The following SZRD1 variants were observed in gnomAD, a reference collection of about 807,000 sequenced individuals.
The protein encoded by SZRD1 is SUZ RNA binding domain containing 1, also known as SUZ RNA-binding domain-containing.
Under a neutral mutation model 17.6 loss-of-function variants are expected in SZRD1, and 7 were observed. That is an observed-to-expected ratio of 0.40 (90% CI 0.23 to 0.75). The LOEUF is 0.75. SZRD1 is among the 30% of genes least tolerant of loss of function. SZRD1 has a pLI of 0.38. For missense variants in SZRD1, 178 were observed against 201.8 expected (o/e 0.88, Z 0.71); for synonymous variants, 77 against 77.9 (o/e 0.99, Z 0.06).
chr1:16,382,900 C>T (rs1470360664), intron 1 of SZRD1, among the ~76,000 whole-genome samples: 2 of 151,586 alleles, frequency 1.3e-5, no homozygotes, highest in East Asian at 3.9e-4. Flanking sequence ...GAGTCTCACT[C>T]TCTCCCCCCT....
intron 1 of SZRD1, among the ~76,000 whole-genome samples, chr1:16,373,241 T>G (rs1402277243): frequency 1.3e-5 from 2 of 151,934 alleles, no homozygotes; most frequent in African/African-American, 4.8e-5. Context: ...GTTTTTTTTT[T>G]TTTTTTAAGC....
chr1:16,380,748 G>A (rs577399476), intron 1 of SZRD1, among the ~76,000 whole-genome samples: 2 of 152,214 alleles, frequency 1.3e-5, no homozygotes, highest in Non-Finnish European at 2.9e-5. Flanking sequence ...GATTACAGAC[G>A]TGAGCCACCG....
intron 2 of SZRD1, among the ~76,000 whole-genome samples, chr1:16,392,065 C>A (rs1359766056): frequency 6.6e-6 from 1 of 152,082 alleles, no homozygotes; most frequent in Non-Finnish European, 1.5e-5. Flanking sequence ...GCTGCACAGT[C>A]ATTCCCCAGG....
intron 1 of SZRD1, among the ~76,000 whole-genome samples, chr1:16,382,550 A>C (rs1172060885): frequency 6.7e-6 from 1 of 149,414 alleles, no homozygotes; most frequent in Non-Finnish European, 1.5e-5. Context: ...GCTGGAGTGC[A>C]GTGACACAAT....
At chr1:16,368,525 G>C (rs2082860888) in intron 1 of SZRD1, among the ~76,000 whole-genome samples, 1 of 152,154 alleles carries the variant, frequency 6.6e-6, no homozygotes. Context: ...AGAATTTGAA[G>C]GATTCGTTCG....
chr1:16,372,638 GC>G (rs2100695658), intron 1 of SZRD1, among the ~76,000 whole-genome samples: 1 of 152,246 alleles, frequency 6.6e-6, no homozygotes, highest in South Asian at 2.1e-4. Context: ...CCAGGTCAAG[GC>G]ATGCAGCTAG....
chr1:16,389,636 G>C (rs377161310), intron 1 of SZRD1, among the ~76,000 whole-genome samples: 1 of 151,128 alleles, frequency 6.6e-6, no homozygotes, highest in Non-Finnish European at 1.5e-5. Flanking sequence ...TATTAGAGAC[G>C]GGGTTTCACC....
At chr1:16,388,357 C>T (rs2085162865) in intron 1 of SZRD1, among the ~76,000 whole-genome samples, 1 of 152,088 alleles carries the variant, frequency 6.6e-6, no homozygotes, top group East Asian at 1.9e-4. Flanking sequence ...ACCTCGGCCT[C>T]CCAAAGTCAA....
At chr1:16,372,198 C>T (rs920785152) in intron 1 of SZRD1, among the ~76,000 whole-genome samples, 6 of 151,868 alleles carry the variant, frequency 4.0e-5, no homozygotes, top group Admixed American at 2.0e-4. Context: ...ATATGCCAGG[C>T]GTGGTGGCTC....
At chr1:16,389,656 A>G (rs542590764) in intron 1 of SZRD1, among the ~76,000 whole-genome samples, 2 of 152,060 alleles carry the variant, frequency 1.3e-5, no homozygotes, top group African/African-American at 2.4e-5. Flanking sequence ...CGCGTTAGCC[A>G]GGATGGTCTC....
chr1:16,385,842 A>C (rs2083179537), intron 1 of SZRD1, among the ~76,000 whole-genome samples: 1 of 152,134 alleles, frequency 6.6e-6, no homozygotes, highest in South Asian at 2.1e-4. Context: ...AAAATTGCAA[A>C]TGTTGACATC....
Position 16,395,564 on chromosome 1 carries a change from TC to T in SZRD1, c.*426del, listed in dbSNP as rs1370869737. On this transcript the variant is annotated 3_prime_UTR_variant, in exon 4 of 4. Coordinates refer to ENST00000401088, the MANE Select transcript of SZRD1 (RefSeq NM_001114600.3). ...ACCCACCCACCCCCAAGTGCATGTC[TC>T]CATCACTTAAAAAGTAAGTTCCATT... is the stretch of plus-strand genomic sequence containing the variant. 5.8e-6 allele frequency: 1 copy of T among 173,454 alleles called. No individual in the cohort carries two copies. The highest frequency in any genetic ancestry group is 1.3e-5 in the Non-Finnish European group (1 of 79,750). The allele number at this position is 173,454 out of a possible 1,614,324, so 10.7% of individuals were successfully genotyped here. A position where few individuals can be genotyped will look rare whatever the true frequency, so the allele number is the denominator to read the frequency against.
rs755626121 is a variant in SZRD1 at position 16,367,275 on chromosome 1, C to A, written c.18C>A (p.Val6=). Residue 6 remains valine (V), a synonymous_variant, in exon 1 of 4, where the codon GTC becomes GTA. Coordinates refer to ENST00000401088, the MANE Select transcript of SZRD1 (RefSeq NM_001114600.3). MEDEE[V]AESWEEAADS... is the part of the protein sequence containing the mutation. ...CGAGTAAGATGGAAGATGAGGAGGTCGCTGAGAGCTGGGAAGAGGCGGCAG... is the reference window on the plus strand; with the variant it reads ...CGAGTAAGATGGAAGATGAGGAGGTAGCTGAGAGCTGGGAAGAGGCGGCAG... 2 of 1,548,724 alleles carry A rather than the reference C, an allele frequency of 1.3e-6. No homozygotes were observed. Among genetic ancestry groups the A allele is most frequent in the Admixed American group, 2.0e-5 (1 of 50,980 alleles).
At chr1:16,373,599 A>G (rs1370577842) in intron 1 of SZRD1, among the ~76,000 whole-genome samples, 1 of 151,568 alleles carries the variant, frequency 6.6e-6, no homozygotes. Context: ...AAAAAAACAA[A>G]ACACGTTTTT....
At chr1:16,384,814 A>C (rs1365032906) in intron 1 of SZRD1, among the ~76,000 whole-genome samples, 1 of 151,996 alleles carries the variant, frequency 6.6e-6, no homozygotes, top group African/African-American at 2.4e-5. Context: ...TTCTGGGAGA[A>C]ATCTGTTGTG....
intron 1 of SZRD1, among the ~76,000 whole-genome samples, chr1:16,374,102 T>A (rs564173663): frequency 2.3e-4 from 35 of 152,296 alleles, no homozygotes; most frequent in Admixed American, 1.5e-3. Flanking sequence ...TCAATTAGTT[T>A]GGGGCTATCT....
chr1:16,376,815 A>AAC (rs1284005053), intron 1 of SZRD1, among the ~76,000 whole-genome samples: 12 of 151,060 alleles, frequency 7.9e-5, no homozygotes, highest in Admixed American at 6.6e-5. Context: ...CAAAAAAAAA[A>AAC]AAAAAAAAAC....
intron 1 of SZRD1, among the ~76,000 whole-genome samples, chr1:16,372,915 G>A (rs1301092240): frequency 6.6e-6 from 1 of 152,152 alleles, no homozygotes; most frequent in Non-Finnish European, 1.5e-5. Flanking sequence ...TACCATGGCT[G>A]GATCAGAGAA....
chr1:16,380,625 C>T (rs1039059252), intron 1 of SZRD1, among the ~76,000 whole-genome samples: 4 of 152,160 alleles, frequency 2.6e-5, no homozygotes, highest in African/African-American at 9.7e-5. Flanking sequence ...TGTGCCATCA[C>T]GCCTGGCTAA....
Sources: allele counts gnomAD v4.1 joint callset (sites outside exome capture counted in the v4.1 genomes callset), GRCh38; gene constraint gnomAD v4.1.1; transcripts MANE v1.5; gene names NCBI Gene and HGNC (gene_info 2026-07-23, HGNC 2026-07-21).